The following COL20A1 variants were observed in gnomAD, a reference collection of about 807,000 sequenced individuals.
COL20A1 encodes collagen alpha-1(XX) chain.
COL20A1 carries 164 observed loss-of-function variants against 152.9 expected under a neutral mutation model. The ratio of observed to expected loss-of-function variants is 1.07; its 90% CI spans 0.94 to 1.22. The LOEUF (loss-of-function observed/expected upper bound fraction) is 1.22, where lower values mean the gene tolerates loss of function less well. COL20A1 is among the 50% of genes most tolerant of loss of function. COL20A1 has a pLI of 0.00. For missense variants in COL20A1, 1,873 were observed against 1,744.8 expected (o/e 1.07, Z -1.31); for synonymous variants, 864 against 756.0 (o/e 1.14, Z -2.34).
chr20:63,334,376 C>T lies in COL20A1; in HGVS notation c.*3660C>T, dbSNP rs1032941097. 6.6e-6 allele frequency: 1 copy of T among 152,184 alleles called. No homozygotes were observed. The highest frequency in any genetic ancestry group is 2.4e-5 in the African/African-American group (1 of 41,440). The allele number at this position is 152,184 out of a possible 1,614,324, so 9.4% of individuals were successfully genotyped here. ...TCTCTGTGCTGCAGCTGCAGTGGTACCTAGAGGGCAATTTATAGCTGTAAA... is the reference window on the plus strand; with the variant it reads ...TCTCTGTGCTGCAGCTGCAGTGGTATCTAGAGGGCAATTTATAGCTGTAAA... On this transcript the variant is annotated 3_prime_UTR_variant, in exon 36 of 36. Coordinates refer to ENST00000358894, the MANE Select transcript of COL20A1 (RefSeq NM_020882.4).
Position 63,331,506 on chromosome 20 carries a change from C to CAT in COL20A1, c.*790_*791insAT, listed in dbSNP as rs1568794000. 1.3e-5 allele frequency: 2 copies of CAT among 152,252 alleles called. No homozygotes were observed. Among genetic ancestry groups the CAT allele is most frequent in the African/African-American group, 4.8e-5 (2 of 41,408 alleles). 9.4% of individuals were successfully genotyped at this position (152,252 alleles called of 1,614,324 possible). On this transcript the variant is annotated 3_prime_UTR_variant, in exon 36 of 36. Transcript: ENST00000358894. ...TCCCTCAGCAGGCTTCTGGCCTGTG[C>CAT]GCTCCTCAGCACCTCTGCCCAGGTC...
chr20:63,328,191 T>C (rs1396767049), intron 33 of COL20A1, 64 bp downstream of exon 33: 2 of 1,596,106 alleles, frequency 1.3e-6, no homozygotes, highest in Admixed American at 3.4e-5. Flanking sequence ...CACACCTGTC[T>C]GTCCTCACAC....
chr20:63,312,873 C>T lies in COL20A1; in HGVS notation c.2015C>T (p.Pro672Leu), dbSNP rs543098240. 3,558 of 1,556,986 alleles carry T rather than the reference C, an allele frequency of 2.3e-3. 106 individuals carry two copies. In the South Asian group the frequency reaches 0.04, roughly 17 times the overall value. ...AVQLAWVAAA[P>L]SGVLVYQITW... ...CAGCTGGCGTGGGTGGCCGCAGCCC[C>T]GTCTGGCGTGCTTGTCTACCAGATC... Residue 672 changes from proline to leucine, a missense_variant, in exon 16 of 36, where the codon CCG becomes CTG. Physicochemically the swap from Pro to Leu is moderately conservative, Grantham distance 98. Transcript: ENST00000358894.
intron 20 of COL20A1, among the ~76,000 whole-genome samples, chr20:63,315,690 G>A (rs571977247): frequency 9.2e-5 from 14 of 152,282 alleles, no homozygotes; most frequent in Admixed American, 5.9e-4. Context: ...CGCTGGGGGC[G>A]CTGGGTCCTT....
At position 63,332,989 on chromosome 20, in the gene COL20A1, C is replaced by T. The variant is rs536155913; in HGVS notation, c.*2273C>T. 1 of 152,232 alleles carries T rather than the reference C, an allele frequency of 6.6e-6. No individual in the cohort carries two copies. Among genetic ancestry groups the T allele is most frequent in the East Asian group, 1.9e-4 (1 of 5,182 alleles). 9.4% of individuals were successfully genotyped at this position (152,232 alleles called of 1,614,324 possible). On this transcript the variant is annotated 3_prime_UTR_variant, in exon 36 of 36. Transcript: ENST00000358894. The stretch of plus-strand genomic sequence containing the variant: ...AGACCCAGCCGACCTGCACGTCTCC[C>T]ATCAGCCCCGACTCCACCGCATCCC...
chr20:63,329,795 G>A (rs2068308256), intron 35 of COL20A1, 134 bp downstream of exon 35: 11 of 640,724 alleles, frequency 1.7e-5, no homozygotes, highest in South Asian at 1.4e-4. Context: ...AGCAGAGGCA[G>A]GCGAGGTGGC....
Position 63,311,994 on chromosome 20 carries a change from C to T in COL20A1, c.1742C>T (p.Pro581Leu), listed in dbSNP as rs543389947. Residue 581 changes from proline (P) to leucine (L), a missense_variant, in exon 14 of 36, where the codon CCG becomes CTG. Transcript: ENST00000358894. This position sits in a 1 kb window ranked among gnomAD's most constrained non-coding sequence, Gnocchi z 4.4. The stretch of plus-strand genomic sequence containing the variant: ...GCACGAGTGTTCTGGGAGGGTGCCC[C>T]GAGGCCTGTGCGCCTGGTCAGGGTC... ...DAARVFWEGA[P>L]RPVRLVRVTY... The T allele has an allele frequency of 1.1e-5, 18 of 1,605,700 alleles. No individual in the cohort carries two copies. The highest frequency in any genetic ancestry group is 8.0e-5 in the African/African-American group (6 of 74,850).
intron 27 of COL20A1, 22 bp from the exon 28 acceptor site, chr20:63,325,419 C>A (rs937811267): frequency 1.9e-6 from 3 of 1,600,114 alleles, no homozygotes; most frequent in Non-Finnish European, 1.7e-6. Flanking sequence ...GCTTCGCTGT[C>A]CAGCCCATCT....
intron 1 of COL20A1, among the ~76,000 whole-genome samples, chr20:63,293,802 C>T (rs925636374): frequency 1.3e-5 from 2 of 150,846 alleles, no homozygotes; most frequent in South Asian, 2.1e-4. Flanking sequence ...GGTGGCTTTC[C>T]CGCCGGGTGA....
intron 8 of COL20A1, 82 bp from the exon 9 acceptor site, chr20:63,309,251 G>A: frequency 2.6e-6 from 3 of 1,159,354 alleles, no homozygotes; most frequent in Middle Eastern, 2.2e-4. Context: ...TCCTGACCCA[G>A]TCTCCATGGA....
chr20:63,309,931 T>TA lies in COL20A1; in HGVS notation c.1263+17dup. ...CCCCAGGGAGGTGAGGGGGCCGGTATACAGGGCTCCCCGAGCCGGTCCTCA... is the reference window on the plus strand; with the variant it reads ...CCCCAGGGAGGTGAGGGGGCCGGTATAACAGGGCTCCCCGAGCCGGTCCTCA... On this transcript the variant is annotated intron_variant, in intron 10 of 35. Transcript: ENST00000358894. 3 of 1,576,972 alleles carry TA rather than the reference T, an allele frequency of 1.9e-6. No individual in the cohort carries two copies. Among genetic ancestry groups the TA allele is most frequent in the Non-Finnish European group, 2.6e-6 (3 of 1,162,550 alleles).
At chr20:63,296,067 G>A (rs914943316) in intron 2 of COL20A1, among the ~76,000 whole-genome samples, 3 of 152,284 alleles carry the variant, frequency 2.0e-5, no homozygotes, top group Non-Finnish European at 2.9e-5. Flanking sequence ...GCAGAAGGGC[G>A]GGTGAGATGC....
intron 3 of COL20A1, among the ~76,000 whole-genome samples, chr20:63,303,847 CCCTT>C (rs1456416136): frequency 4.0e-5 from 6 of 151,016 alleles, no homozygotes; most frequent in African/African-American, 1.2e-4. Flanking sequence ...GCTCCTCCCT[CCCTT>C]CCTCCCTCCA....
At chr20:63,322,515 C>G (rs548301281) in intron 27 of COL20A1, among the ~76,000 whole-genome samples, 95 of 152,294 alleles carry the variant, frequency 6.2e-4, no homozygotes, top group African/African-American at 2.2e-3. Context: ...GGCCCAGGAG[C>G]TTAGGCCCAC....
At chr20:63,317,611 C>A (rs1379239588) in intron 21 of COL20A1, among the ~76,000 whole-genome samples, 1 of 151,992 alleles carries the variant, frequency 6.6e-6, no homozygotes, top group East Asian at 1.9e-4. Context: ...TTTGTCCCCA[C>A]ACAGCCGCCG....
At position 63,311,315 on chromosome 20, in the gene COL20A1, T is replaced by C. The variant is rs562425780; in HGVS notation, c.1394-79T>C. The C allele has an allele frequency of 5.1e-4, 710 of 1,405,876 alleles. 12 individuals carry two copies. In the East Asian group the frequency reaches 0.017, roughly 33 times the overall value. The allele number at this position is 1,405,876 out of a possible 1,614,324, so 87.1% of individuals were successfully genotyped here. A position where few individuals can be genotyped will look rare whatever the true frequency, so the allele number is the denominator to read the frequency against. On this transcript the variant is annotated intron_variant, in intron 11 of 35. Coordinates refer to ENST00000358894, the MANE Select transcript of COL20A1 (RefSeq NM_020882.4). This position sits in a 1 kb window ranked among gnomAD's most constrained non-coding sequence, Gnocchi z 4.4. ...CCAGGCGGTGGCCGTGCCCACCCACTCTGGTGTGAGGGTGCCCCGTGCGTG... is the reference window on the plus strand; with the variant it reads ...CCAGGCGGTGGCCGTGCCCACCCACCCTGGTGTGAGGGTGCCCCGTGCGTG...
At chr20:63,325,282 C>A in intron 27 of COL20A1, 159 bp from the exon 28 acceptor site, 1 of 717,952 alleles carries the variant, frequency 1.4e-6, no homozygotes, top group Non-Finnish European at 2.6e-6. Context: ...GAGCCCGGGC[C>A]ACCCGGACAG....
intron 19 of COL20A1, 116 bp from the exon 20 acceptor site, chr20:63,315,288 A>G (rs2068069722): frequency 1.9e-6 from 2 of 1,026,436 alleles, no homozygotes. Flanking sequence ...AGTCCCACCT[A>G]TACAGATGGA....
rs757922809 is a variant in COL20A1 at position 63,319,016 on chromosome 20, T to C, written c.2664-42T>C. 3 of 1,564,544 alleles carry C rather than the reference T, an allele frequency of 1.9e-6. No individual in the cohort carries two copies. The highest frequency in any genetic ancestry group is 1.1e-5 in the South Asian group (1 of 88,890). On this transcript the variant is annotated intron_variant, in intron 21 of 35. Coordinates refer to ENST00000358894, the MANE Select transcript of COL20A1 (RefSeq NM_020882.4). This position sits in a 1 kb window ranked among gnomAD's most constrained non-coding sequence, Gnocchi z 4.4. ...ATCGTTCTGCCAGGTTTGGCTGCCCTTGGGTCTGCTCATGTGCCTCTCCCT... is the reference window on the plus strand; with the variant it reads ...ATCGTTCTGCCAGGTTTGGCTGCCCCTGGGTCTGCTCATGTGCCTCTCCCT...
Sources: allele counts gnomAD v4.1 joint callset (sites outside exome capture counted in the v4.1 genomes callset), GRCh38; gene constraint gnomAD v4.1.1; non-coding constraint Gnocchi (gnomAD v3.1); transcripts MANE v1.5; gene names NCBI Gene and HGNC (gene_info 2026-07-23, HGNC 2026-07-21).